Variants in LDAH observed in about 807,000 individuals in gnomAD.
LDAH encodes lipid droplet-associated hydrolase.
Under a neutral mutation model 29.6 loss-of-function variants are expected in LDAH, and 26 were observed. That is an observed-to-expected ratio of 0.88 (90% CI 0.64 to 1.22). The LOEUF is 1.22. LDAH is among the 50% of genes most tolerant of loss of function. The probability of loss-of-function intolerance (pLI) is 0.00; values close to 1 mark genes in which losing one functional copy is unlikely to be tolerated. For missense variants in LDAH, 344 were observed against 387.3 expected (o/e 0.89, Z 0.94); for synonymous variants, 117 against 133.0 (o/e 0.88, Z 0.83).
At chr2:20,810,877 A>G (rs1024955004) in intron 1 of LDAH, among the ~76,000 whole-genome samples, 1 of 152,152 alleles carries the variant, frequency 6.6e-6, no homozygotes, top group Non-Finnish European at 1.5e-5. Context: ...TCTAGGTTGT[A>G]TGCTCCCTAT....
intron 4 of LDAH, among the ~76,000 whole-genome samples, chr2:20,749,965 T>C (rs1667849137): frequency 1.3e-5 from 2 of 151,192 alleles, no homozygotes; most frequent in Non-Finnish European, 2.9e-5. Context: ...CCATGGTATC[T>C]CCCAGACTCA....
chr2:20,701,024 T>C (rs1047221924), intron 6 of LDAH, among the ~76,000 whole-genome samples: 35 of 152,174 alleles, frequency 2.3e-4, no homozygotes, highest in African/African-American at 8.4e-4. Context: ...CTTAGACATA[T>C]ACTAAACCCT....
intron 1 of LDAH, among the ~76,000 whole-genome samples, chr2:20,812,335 T>C (rs555969297): frequency 1.2e-4 from 19 of 152,188 alleles, no homozygotes; most frequent in African/African-American, 3.4e-4. Flanking sequence ...TGGATTCCCT[T>C]CTCTATATGC....
At chr2:20,792,316 A>G (rs1387697680) in intron 2 of LDAH, among the ~76,000 whole-genome samples, 2 of 152,138 alleles carry the variant, frequency 1.3e-5, no homozygotes, top group East Asian at 3.9e-4. Context: ...GGCAGTGTTT[A>G]GGTGCTTTAC....
chr2:20,782,314 A>G (rs1572620073), intron 3 of LDAH, among the ~76,000 whole-genome samples: 1 of 152,186 alleles, frequency 6.6e-6, no homozygotes, highest in African/African-American at 2.4e-5. Flanking sequence ...TCTGTTTTCA[A>G]CTTTCAAAGT....
At chr2:20,792,478 A>G (rs1281236502) in intron 2 of LDAH, among the ~76,000 whole-genome samples, 1 of 152,216 alleles carries the variant, frequency 6.6e-6, no homozygotes, top group Non-Finnish European at 1.5e-5. Context: ...TATATACAAA[A>G]GAAAATCATA....
chr2:20,759,155 G>A (rs191333265), intron 4 of LDAH, among the ~76,000 whole-genome samples: 165 of 152,216 alleles, frequency 1.1e-3, no homozygotes, highest in African/African-American at 3.7e-3. Context: ...ACTGGTGAGG[G>A]GAGAAACTAT....
intron 6 of LDAH, among the ~76,000 whole-genome samples, chr2:20,693,091 C>T (rs1326730990): frequency 2.0e-5 from 3 of 152,170 alleles, no homozygotes; most frequent in Non-Finnish European, 4.4e-5. Context: ...AGTTACTTAG[C>T]TTCCCTGTGC....
chr2:20,762,484 C>T (rs1668758869), intron 4 of LDAH, among the ~76,000 whole-genome samples: 1 of 152,130 alleles, frequency 6.6e-6, no homozygotes, highest in Admixed American at 6.5e-5. Context: ...TCGAAGTACA[C>T]ACATACACAA....
intron 2 of LDAH, among the ~76,000 whole-genome samples, chr2:20,793,292 G>A (rs1367490197): frequency 3.3e-5 from 5 of 152,086 alleles, no homozygotes; most frequent in Admixed American, 2.6e-4. Context: ...GTGAAAAAAA[G>A]GTCTGAGGAG....
chr2:20,761,764 T>G (rs961030553), intron 4 of LDAH, among the ~76,000 whole-genome samples: 1 of 152,040 alleles, frequency 6.6e-6, no homozygotes, highest in African/African-American at 2.4e-5. Flanking sequence ...GTAATAAACA[T>G]GTACATGTAC....
chr2:20,696,994 T>A (rs1663540672), intron 6 of LDAH, among the ~76,000 whole-genome samples: 1 of 152,216 alleles, frequency 6.6e-6, no homozygotes, highest in Non-Finnish European at 1.5e-5. Flanking sequence ...GTATACTTCT[T>A]TAGGCTGCTA....
chr2:20,808,658 A>G (rs1251542165), intron 1 of LDAH, among the ~76,000 whole-genome samples: 1 of 108,798 alleles, frequency 9.2e-6, no homozygotes, highest in African/African-American at 8.1e-5. Flanking sequence ...ACTCCGTCTC[A>G]AAAAAAAAAA....
chr2:20,787,766 G>GA lies in LDAH; in HGVS notation c.298+2488dup, dbSNP rs200730531. ...AACAGGTAATAAGCAAATAAATGTT[G>GA]AAAAAAAATACCCTGAAAATCTAAA... On this transcript the variant is annotated intron_variant, in intron 3 of 6. Coordinates refer to ENST00000237822, the MANE Select transcript of LDAH (RefSeq NM_021925.4). Among the ~76,000 whole-genome samples, 39 of 151,742 alleles carry GA rather than the reference G, an allele frequency of 2.6e-4. No individual in the cohort carries two copies. The East Asian group carries it at 7.2e-3, about 28-fold the overall frequency.
At chr2:20,737,610 G>A (rs1666879794) in intron 5 of LDAH, among the ~76,000 whole-genome samples, 1 of 152,118 alleles carries the variant, frequency 6.6e-6, no homozygotes, top group African/African-American at 2.4e-5. Context: ...AAACCAACGA[G>A]GGGAAGTAAC....
chr2:20,815,009 T>A (rs1168893131), intron 1 of LDAH, among the ~76,000 whole-genome samples: 1 of 152,226 alleles, frequency 6.6e-6, no homozygotes, highest in Non-Finnish European at 1.5e-5. Context: ...CATTAGTTCA[T>A]ATATACAAAT....
intron 5 of LDAH, among the ~76,000 whole-genome samples, chr2:20,707,935 C>A (rs918109831): frequency 1.3e-5 from 2 of 152,116 alleles, no homozygotes; most frequent in Non-Finnish European, 2.9e-5. Context: ...GGAGTGCAAA[C>A]CATATTGTGA....
At chr2:20,701,736 C>A (rs555912134) in intron 5 of LDAH, 84 bp from the exon 6 acceptor site, 2 of 1,283,152 alleles carry the variant, frequency 1.6e-6, no homozygotes, top group South Asian at 2.4e-5. Context: ...AATTCATGTT[C>A]CTCCTTTCTT....
At chr2:20,764,085 C>A in intron 4 of LDAH, among the ~76,000 whole-genome samples, 1 of 151,722 alleles carries the variant, frequency 6.6e-6, no homozygotes, top group Non-Finnish European at 1.5e-5. Context: ...TAAAAAAATA[C>A]ACAGATAACT....
Sources: gnomAD v4.1 joint callset for allele counts (sites outside exome capture counted in the v4.1 genomes callset) on GRCh38, gnomAD v4.1.1 for gene constraint, MANE v1.5 for transcripts, NCBI Gene and HGNC (gene_info 2026-07-23, HGNC 2026-07-21) for gene names.